Variants in IHO1 observed in about 807,000 individuals in gnomAD.
The protein encoded by IHO1 is interactor of HORMAD1 protein 1.
Under a neutral mutation model 31.0 loss-of-function variants are expected in IHO1, and 13 were observed. The observed-to-expected ratio is 0.42, with a 90% CI of 0.27 to 0.67. The LOEUF (loss-of-function observed/expected upper bound fraction) is 0.67. Ranked by LOEUF, IHO1 falls within the 30% of genes least tolerant of loss-of-function variation. The pLI is 0.24. For missense variants in IHO1, 599 were observed against 687.5 expected (o/e 0.87, Z 1.44); for synonymous variants, 221 against 248.4 (o/e 0.89, Z 1.04).
At chr3:49,198,909 C>T (rs2046019641), upstream of IHO1, 1 of 152,934 alleles carries the variant, frequency 6.5e-6, no homozygotes, top group African/African-American at 2.4e-5. Flanking sequence ...TCGATGTCCC[C>T]ATCTGCCCAC....
intron 2 of IHO1, among the ~76,000 whole-genome samples, chr3:49,224,092 C>G (rs542532569): frequency 3.3e-5 from 5 of 152,260 alleles, no homozygotes; most frequent in Admixed American, 1.3e-4. Context: ...TTTGGTGGAG[C>G]GTTTTAAGTA....
intron 6 of IHO1, among the ~76,000 whole-genome samples, chr3:49,249,436 A>T (rs565313650): frequency 6.6e-6 from 1 of 152,138 alleles, no homozygotes; most frequent in African/African-American, 2.4e-5. Flanking sequence ...ACGCCCAGCT[A>T]AATTTTATAT....
rs2046061618 is a variant in IHO1, at chr3:49,200,883, T to TACAGGTAGCATGGA, written c.-16+1311_-16+1324dup. ...CATCCTCTGGGAATTTAAAAGCCTATACAGGTAGCATGGAGATAAATACAT... is the reference window on the plus strand; with the variant it reads ...CATCCTCTGGGAATTTAAAAGCCTATACAGGTAGCATGGAACAGGTAGCATGGAGATAAATACAT... On this transcript the variant is annotated intron_variant, in intron 1 of 7. Transcript: ENST00000452691. 2.0e-5 allele frequency among the ~76,000 whole-genome samples: 3 copies of TACAGGTAGCATGGA among 152,272 alleles called. No homozygotes were observed. In the South Asian group the frequency reaches 6.2e-4, roughly 32 times the overall value.
chr3:49,248,584 T>G (rs919272911), intron 6 of IHO1, among the ~76,000 whole-genome samples: 3 of 151,670 alleles, frequency 2.0e-5, no homozygotes, highest in Non-Finnish European at 4.4e-5. Context: ...AAATACAAAA[T>G]TAGCCAGGCG....
At chr3:49,194,809 T>A (rs1448518167), upstream of IHO1, among the ~76,000 whole-genome samples, 3 of 151,872 alleles carry the variant, frequency 2.0e-5, no homozygotes, top group Non-Finnish European at 2.9e-5. Flanking sequence ...GGTGGGAGGA[T>A]TGCTTGACCC....
intron 1 of IHO1, among the ~76,000 whole-genome samples, chr3:49,211,303 C>T (rs948188946): frequency 2.6e-5 from 4 of 152,138 alleles, no homozygotes; most frequent in South Asian, 4.1e-4. Context: ...CCACTGCGCC[C>T]GGCTTCCATT....
chr3:49,197,572 T>C (rs2046006894), upstream of IHO1, among the ~76,000 whole-genome samples: 3 of 152,126 alleles, frequency 2.0e-5, no homozygotes, highest in African/African-American at 4.8e-5. Context: ...TCTGAAACAC[T>C]GCCATCAAGA....
chr3:49,236,097 C>A lies in IHO1; in HGVS notation c.57-451C>A, dbSNP rs551338673. 6.4e-4 allele frequency among the ~76,000 whole-genome samples: 98 copies of A among 152,114 alleles called. 2 individuals are homozygous for A. Among genetic ancestry groups the A allele is most frequent in the South Asian group, 2.5e-3 (12 of 4,820 alleles). On this transcript the variant is annotated intron_variant, in intron 2 of 7. Coordinates refer to ENST00000452691, the MANE Select transcript of IHO1 (RefSeq NM_001135197.2). ...CTCAACTATAAATACAAAAATTAGC[C>A]TGGTGTGGTAGCACATACCTGTAGT...
At chr3:49,197,960 T>C (rs896308885), upstream of IHO1, among the ~76,000 whole-genome samples, 1 of 152,218 alleles carries the variant, frequency 6.6e-6, no homozygotes, top group East Asian at 1.9e-4. Context: ...TAATCTTTCC[T>C]TATGGCACTC....
intron 2 of IHO1, among the ~76,000 whole-genome samples, chr3:49,228,832 CCA>C (rs1559445365): frequency 1.3e-5 from 2 of 152,282 alleles, no homozygotes; most frequent in East Asian, 1.9e-4. Context: ...AACAAAGTTT[CCA>C]CAGTGTGGAA....
chr3:49,205,741 A>G (rs1424031510), intron 1 of IHO1, among the ~76,000 whole-genome samples: 1 of 148,618 alleles, frequency 6.7e-6, no homozygotes, highest in Non-Finnish European at 1.5e-5. Context: ...CTGGGATTAC[A>G]GGAGTGAGCC....
At chr3:49,249,874 C>T (rs568174322) in intron 6 of IHO1, among the ~76,000 whole-genome samples, 2 of 152,258 alleles carry the variant, frequency 1.3e-5, no homozygotes, top group South Asian at 4.1e-4. Flanking sequence ...AATAAAACTA[C>T]AGAGTAAAAG....
At chr3:49,238,706 A>G (rs1173308754) in intron 3 of IHO1, among the ~76,000 whole-genome samples, 1 of 152,220 alleles carries the variant, frequency 6.6e-6, no homozygotes, top group Non-Finnish European at 1.5e-5. Context: ...CATCTGGTAC[A>G]TATCTTACTC....
chr3:49,193,901 G>A (rs561000014), upstream of IHO1, among the ~76,000 whole-genome samples: 14 of 151,358 alleles, frequency 9.2e-5, no homozygotes, highest in African/African-American at 3.4e-4. Context: ...GGCAGAGGTT[G>A]CAGTGAGCCG....
At chr3:49,205,466 G>A (rs970359946) in intron 1 of IHO1, among the ~76,000 whole-genome samples, 1 of 151,774 alleles carries the variant, frequency 6.6e-6, no homozygotes, top group Non-Finnish European at 1.5e-5. Flanking sequence ...TTACAGGCGC[G>A]TACCAACACG....
At chr3:49,215,150 A>G (rs112890859) in intron 2 of IHO1, among the ~76,000 whole-genome samples, 9,038 of 151,458 alleles carry the variant, frequency 0.06, 383 homozygotes, top group Non-Finnish European at 0.088. Flanking sequence ...TCCCAGGTTC[A>G]AGCAATCCTC....
intron 1 of IHO1, among the ~76,000 whole-genome samples, chr3:49,207,777 CTTT>C (rs11336926): frequency 2.8e-5 from 4 of 142,400 alleles, no homozygotes. Flanking sequence ...TATAATATTT[CTTT>C]TTTTTTTTTT....
chr3:49,212,758 C>A (rs1259826208), intron 2 of IHO1, among the ~76,000 whole-genome samples: 1 of 152,084 alleles, frequency 6.6e-6, no homozygotes, highest in African/African-American at 2.4e-5. Flanking sequence ...AGCTGCAGAC[C>A]TTTGCGGTGA....
In IHO1 at chr3:49,236,527, CT is replaced by C. The variant is rs772151352; in HGVS notation, c.57-13del. 57 of 1,540,470 alleles carry C rather than the reference CT, an allele frequency of 3.7e-5. No homozygotes were observed. Among genetic ancestry groups the C allele is most frequent in the Admixed American group, 7.0e-5 (4 of 56,928 alleles). On this transcript the variant is annotated intron_variant, in intron 2 of 7. Transcript: ENST00000452691. ...TCAGGATATTTGTCTATTTGATACA[CT>C]TTTTTTTGCTAAATTTCAGGAACAA...
Sources: allele counts gnomAD v4.1 joint callset (sites outside exome capture counted in the v4.1 genomes callset), GRCh38; gene constraint gnomAD v4.1.1; transcripts MANE v1.5; gene names NCBI Gene and HGNC (gene_info 2026-07-23, HGNC 2026-07-21).